LCOR: variants seen among roughly 807,000 people sequenced by gnomAD.
LCOR encodes ligand dependent nuclear receptor corepressor.
In LCOR, 14 loss-of-function variants were observed where a neutral mutation model predicts 64.4. That is an observed-to-expected ratio of 0.22 (90% CI 0.14 to 0.34). The LOEUF (loss-of-function observed/expected upper bound fraction) is 0.34. LCOR is among the 10% of genes least tolerant of loss of function. The probability of loss-of-function intolerance (pLI) is 1.00; values close to 1 mark genes in which losing one functional copy is unlikely to be tolerated. For missense variants in LCOR, 1,686 were observed against 1,765.3 expected, an observed-to-expected ratio of 0.96 and a Z score of 0.80; for synonymous variants, 643 against 642.5, an observed-to-expected ratio of 1.00 and a Z score of -0.01.
At chr10:96,910,079 G>T (rs376201770) in intron 4 of LCOR, among the ~76,000 whole-genome samples, 137 of 152,144 alleles carry the variant, frequency 9.0e-4, no homozygotes, top group African/African-American at 2.6e-3. Context: ...GTAAAATATT[G>T]TATGAATTTT....
chr10:96,917,911 T>G (rs975392581), intron 4 of LCOR, among the ~76,000 whole-genome samples: 2 of 152,142 alleles, frequency 1.3e-5, no homozygotes, highest in African/African-American at 4.8e-5. Flanking sequence ...GGGAAAGTTT[T>G]GGTGCAGTGG....
intron 2 of LCOR, among the ~76,000 whole-genome samples, chr10:96,852,273 T>G (rs982066047): frequency 2.0e-5 from 3 of 152,026 alleles, no homozygotes; most frequent in Non-Finnish European, 4.4e-5. Flanking sequence ...TTAAAAGAAA[T>G]TAGCCCAGTC....
At position 96,986,821 on chromosome 10, in the gene LCOR, T is replaced by A. The variant is rs1848153556; in HGVS notation, c.*1687T>A. The A allele has an allele frequency of 6.6e-6, 1 of 152,212 alleles. No homozygotes were observed. The highest frequency in any genetic ancestry group is 1.5e-5 in the Non-Finnish European group (1 of 68,028). The allele number at this position is 152,212 out of a possible 1,614,324, so 9.4% of individuals were successfully genotyped here. ...TCCTTTTTATTTGAAAATTTTCCAT[T>A]TAGGTTGTTTCAGATCTCTTTAGAT... On this transcript the variant is annotated 3_prime_UTR_variant, in exon 8 of 8. Transcript: ENST00000421806.
intron 4 of LCOR, among the ~76,000 whole-genome samples, chr10:96,910,552 C>T (rs747594371): frequency 1.3e-4 from 20 of 152,092 alleles, no homozygotes; most frequent in African/African-American, 2.4e-4. Context: ...GCATCTTGTC[C>T]GAGAAGGACT....
In LCOR at chr10:96,995,452, G is replaced by A. The variant is rs1848234868; in HGVS notation, c.*10318G>A. 6.6e-6 allele frequency: 1 copy of A among 152,204 alleles called. No individual in the cohort carries two copies. The highest frequency in any genetic ancestry group is 6.5e-5 in the Admixed American group (1 of 15,278). The allele number at this position is 152,204 out of a possible 1,614,324, so 9.4% of individuals were successfully genotyped here. On this transcript the variant is annotated 3_prime_UTR_variant, in exon 8 of 8. Transcript: ENST00000421806. The surrounding 1 kb of genome is among the most constrained non-coding windows in gnomAD (Gnocchi z 4.2). The stretch of plus-strand genomic sequence containing the variant: ...GCCTGGATTTCTACTATGTTAGTGA[G>A]TGTAGGAATATACTGTGTCTTTAAT...
intron 4 of LCOR, among the ~76,000 whole-genome samples, chr10:96,935,923 A>G (rs972886260): frequency 6.6e-6 from 1 of 152,266 alleles, no homozygotes; most frequent in African/African-American, 2.4e-5. Context: ...GAAAATGATG[A>G]AGATCTGTGT....
chr10:96,916,546 T>C (rs1434589144), intron 4 of LCOR, among the ~76,000 whole-genome samples: 1 of 150,600 alleles, frequency 6.6e-6, no homozygotes, highest in Non-Finnish European at 1.5e-5. Flanking sequence ...ATATAGTTTC[T>C]ATCAAGAGTG....
At chr10:96,856,110 G>A (rs1196659672) in intron 2 of LCOR, among the ~76,000 whole-genome samples, 1 of 151,094 alleles carries the variant, frequency 6.6e-6, no homozygotes, top group Admixed American at 6.6e-5. Flanking sequence ...TCGCTCTGTT[G>A]CCCAGGCTGG....
chr10:96,874,287 T>G (rs1194938083), intron 2 of LCOR, among the ~76,000 whole-genome samples: 1 of 152,196 alleles, frequency 6.6e-6, no homozygotes, highest in Non-Finnish European at 1.5e-5. Context: ...CTTGCGTAAC[T>G]GTATTCCATC....
intron 4 of LCOR, among the ~76,000 whole-genome samples, chr10:96,924,336 G>A (rs936954612): frequency 3.9e-5 from 6 of 152,154 alleles, no homozygotes; most frequent in Admixed American, 2.0e-4. Context: ...ACAAGTAGCT[G>A]GGACTGCAGG....
At chr10:96,947,019 G>A (rs1847600844) in intron 5 of LCOR, among the ~76,000 whole-genome samples, 1 of 152,098 alleles carries the variant, frequency 6.6e-6, no homozygotes, top group Admixed American at 6.5e-5. Flanking sequence ...GGAGATTTAT[G>A]TAGGGAGAAA....
intron 2 of LCOR, among the ~76,000 whole-genome samples, chr10:96,892,648 A>G (rs905263501): frequency 3.3e-5 from 5 of 152,146 alleles, no homozygotes; most frequent in Non-Finnish European, 4.4e-5. Context: ...TCTTAATCCT[A>G]TCACCTTGGA....
At chr10:96,890,514 A>G (rs1846421987) in intron 2 of LCOR, among the ~76,000 whole-genome samples, 1 of 152,152 alleles carries the variant, frequency 6.6e-6, no homozygotes, top group South Asian at 2.1e-4. Context: ...CTATAAAAGT[A>G]GTTTTACTTG....
At chr10:96,950,107 C>T (rs776018286) in intron 6 of LCOR, among the ~76,000 whole-genome samples, 1 of 152,056 alleles carries the variant, frequency 6.6e-6, no homozygotes, top group African/African-American at 2.4e-5. Flanking sequence ...TTGGTGATGT[C>T]TGTACTAATG....
At chr10:96,934,793 G>C (rs1847319724) in intron 4 of LCOR, among the ~76,000 whole-genome samples, 1 of 151,970 alleles carries the variant, frequency 6.6e-6, no homozygotes, top group South Asian at 2.1e-4. Context: ...GTAGAGACAG[G>C]GTTTTGCCAT....
intron 2 of LCOR, among the ~76,000 whole-genome samples, chr10:96,887,779 C>G (rs1165905992): frequency 6.6e-6 from 1 of 150,660 alleles, no homozygotes; most frequent in Middle Eastern, 3.4e-3. Context: ...CTCCTGGGTT[C>G]AAGTAATTCT....
At chr10:96,850,332 G>A (rs1169006802) in intron 2 of LCOR, among the ~76,000 whole-genome samples, 1 of 152,070 alleles carries the variant, frequency 6.6e-6, no homozygotes, top group Non-Finnish European at 1.5e-5. Context: ...GGAGGATCAT[G>A]TGAGCCCAAG....
In LCOR at chr10:96,898,345, C is replaced by G. The variant is rs1846577945; in HGVS notation, c.-329-8920C>G. ...ATGTGTTGTGACTGATCAGTATGGC[C>G]AGAGCATAGTGTATGTATACAGAAT... On this transcript the variant is annotated intron_variant, in intron 2 of 7. Transcript: ENST00000421806. 2.6e-5 allele frequency among the ~76,000 whole-genome samples: 4 copies of G among 152,118 alleles called. No individual in the cohort carries two copies. In the South Asian group the frequency reaches 8.3e-4, roughly 32 times the overall value.
At chr10:96,917,465 C>A (rs763747535) in intron 4 of LCOR, among the ~76,000 whole-genome samples, 5 of 152,156 alleles carry the variant, frequency 3.3e-5, no homozygotes, top group Non-Finnish European at 7.4e-5. Flanking sequence ...CATGCTCATT[C>A]CCATATGTAG....
Sources: allele counts gnomAD v4.1 joint callset (sites outside exome capture counted in the v4.1 genomes callset), GRCh38; gene constraint gnomAD v4.1.1; non-coding constraint Gnocchi (gnomAD v3.1); transcripts MANE v1.5; gene names NCBI Gene and HGNC (gene_info 2026-07-23, HGNC 2026-07-21).